The following ADGRA3 variants were observed in gnomAD, a reference collection of about 807,000 sequenced individuals.
The protein encoded by ADGRA3 is adhesion G protein-coupled receptor A3.
A neutral mutation model predicts 119.8 loss-of-function variants in ADGRA3; 56 were observed. The ratio of observed to expected loss-of-function variants is 0.47; its 90% CI spans 0.38 to 0.58. The LOEUF (loss-of-function observed/expected upper bound fraction) is 0.58, where lower values mean the gene tolerates loss of function less well. Among genes scored for constraint, ADGRA3 ranks in the 20% least tolerant of loss-of-function variants. The pLI, the probability that ADGRA3 is intolerant of heterozygous loss-of-function variation, is 0.00. For synonymous variants in ADGRA3, 607 were observed against 623.8 expected (o/e 0.97, Z 0.40); for missense variants, 1,516 against 1,649.0 (o/e 0.92, Z 1.40).
chr4:22,471,552 G>C (rs1220798513), intron 2 of ADGRA3, among the ~76,000 whole-genome samples: 2 of 152,132 alleles, frequency 1.3e-5, no homozygotes, highest in African/African-American at 4.8e-5. Context: ...GTCCCAACTG[G>C]GCATGCATGC....
At chr4:22,442,937 C>A (rs1218674528) in intron 6 of ADGRA3, 74 bp from the exon 7 acceptor site, 4 of 1,109,974 alleles carry the variant, frequency 3.6e-6, no homozygotes, top group African/African-American at 1.6e-5. Context: ...TACAGAAATT[C>A]TAGGTAAAAT....
rs59015584 is a variant in ADGRA3 at position 22,513,845 on chromosome 4, C to CAAAAAAAA, written c.257+1675_257+1682dup. ...TATTTTCATCTAAAAAGCTTTCAGG[C>CAAAAAAAA]AAAAAAAAAAAAAAAAAAAAAAAAA... On this transcript the variant is annotated intron_variant, in intron 1 of 18. Transcript: ENST00000334304. 8.6e-4 allele frequency among the ~76,000 whole-genome samples: 27 copies of CAAAAAAAA among 31,480 alleles called. 3 individuals are homozygous for CAAAAAAAA. The highest frequency in any genetic ancestry group is 2.6e-3 in the African/African-American group (26 of 10,146). 20.7% of individuals were successfully genotyped at this position (31,480 alleles called of 152,430 possible).
At position 22,392,619 on chromosome 4, in the gene ADGRA3, G is replaced by A. The variant is rs137922477; in HGVS notation, c.2553C>T (p.Tyr851=). 3.5e-4 allele frequency: 563 copies of A among 1,613,756 alleles called. 1 individual carries two copies. Among genetic ancestry groups the A allele is most frequent in the Non-Finnish European group, 4.6e-4 (538 of 1,179,854 alleles). The change falls in exon 17 of 19, where the codon TAC becomes TAT. Residue 851 remains tyrosine (Y), a synonymous_variant. Coordinates refer to ENST00000334304, the MANE Select transcript of ADGRA3 (RefSeq NM_145290.4). ...LWVGVTARNI[Y]KQVTKKAKRC... is the part of the protein sequence containing the mutation. ...TTTTAGCTTTTTTAGTGACTTGTTTGTAGATATTTCGAGCTGTCACTCCTA... is the reference window on the plus strand; with the variant it reads ...TTTTAGCTTTTTTAGTGACTTGTTTATAGATATTTCGAGCTGTCACTCCTA...
intron 4 of ADGRA3, 98 bp downstream of exon 4, chr4:22,454,768 A>G: frequency 1.2e-6 from 1 of 862,832 alleles, no homozygotes; most frequent in African/African-American, 1.7e-5. Flanking sequence ...TAACCCCTAC[A>G]GTTGCTACTT....
chr4:22,464,599 T>C (rs1424440123), intron 2 of ADGRA3, among the ~76,000 whole-genome samples: 1 of 152,216 alleles, frequency 6.6e-6, no homozygotes, highest in Non-Finnish European at 1.5e-5. Flanking sequence ...CAGTAGACAC[T>C]GACAGCATGG....
chr4:22,474,925 A>C (rs1310288659), intron 1 of ADGRA3, among the ~76,000 whole-genome samples: 2 of 152,188 alleles, frequency 1.3e-5, no homozygotes, highest in Non-Finnish European at 2.9e-5. Flanking sequence ...GTATATACAA[A>C]TGTAAATGGA....
chr4:22,400,030 C>T (rs12108588), intron 16 of ADGRA3, among the ~76,000 whole-genome samples: 25,981 of 152,066 alleles, frequency 0.17, 2,356 homozygotes, highest in Middle Eastern at 0.2. Context: ...GTCTTTGACA[C>T]CATGTAAATG....
At chr4:22,474,229 A>C (rs2109122131) in intron 1 of ADGRA3, among the ~76,000 whole-genome samples, 1 of 152,358 alleles carries the variant, frequency 6.6e-6, no homozygotes, top group South Asian at 2.1e-4. Context: ...TGCATAACCT[A>C]TGATCTTGTA....
intron 1 of ADGRA3, among the ~76,000 whole-genome samples, chr4:22,498,030 C>T (rs986097805): frequency 5.3e-5 from 8 of 150,266 alleles, no homozygotes; most frequent in Non-Finnish European, 7.4e-5. Context: ...CATCTGGGGT[C>T]GGGAGTTCAA....
intron 1 of ADGRA3, among the ~76,000 whole-genome samples, chr4:22,512,847 C>G (rs1199599737): frequency 6.6e-6 from 1 of 152,118 alleles, no homozygotes; most frequent in Non-Finnish European, 1.5e-5. Flanking sequence ...CTGCAGCAGC[C>G]CTAGGCACTA....
At chr4:22,470,217 GT>G (rs1312328940) in intron 2 of ADGRA3, among the ~76,000 whole-genome samples, 1 of 151,060 alleles carries the variant, frequency 6.6e-6, no homozygotes, top group East Asian at 2.0e-4. Flanking sequence ...AGCAAACTAT[GT>G]TCAAAAAGGT....
At chr4:22,454,373 T>C (rs891317408) in intron 4 of ADGRA3, among the ~76,000 whole-genome samples, 14 of 152,152 alleles carry the variant, frequency 9.2e-5, no homozygotes, top group Admixed American at 3.9e-4. Context: ...CCAGATCACA[T>C]GGTCAGAGGC....
chr4:22,427,179 T>G (rs1355244778), intron 10 of ADGRA3, among the ~76,000 whole-genome samples: 3 of 152,182 alleles, frequency 2.0e-5, no homozygotes. Flanking sequence ...ATTAATAAAA[T>G]TCCCACTGGA....
chr4:22,403,025 A>T (rs1239154995), intron 14 of ADGRA3, among the ~76,000 whole-genome samples: 1 of 152,174 alleles, frequency 6.6e-6, no homozygotes, highest in Non-Finnish European at 1.5e-5. Context: ...ACACTGGACC[A>T]TCTATTTTAT....
At chr4:22,499,996 A>G (rs1402349844) in intron 1 of ADGRA3, among the ~76,000 whole-genome samples, 1 of 152,178 alleles carries the variant, frequency 6.6e-6, no homozygotes, top group Non-Finnish European at 1.5e-5. Flanking sequence ...GAACCCAAAA[A>G]TCTAAAATCC....
In ADGRA3 at chr4:22,388,024, CCTT is replaced by C. The variant is rs1219085615; in HGVS notation, c.3644_3646del (p.Glu1215del). On this transcript the variant is annotated inframe_deletion, in exon 19 of 19. Coordinates refer to ENST00000334304, the MANE Select transcript of ADGRA3 (RefSeq NM_145290.4). ...ATAAGCTCTTCGGCTCCTCGAGTGT[CCTT>C]CGTTATTGCCCAGCCGGCTTTTAGG... is the stretch of plus-strand genomic sequence containing the variant. 1.2e-6 allele frequency: 2 copies of C among 1,614,140 alleles called. No homozygotes were observed. Among genetic ancestry groups the C allele is most frequent in the Non-Finnish European group, 1.7e-6 (2 of 1,180,016 alleles).
chr4:22,499,913 C>T (rs991997431), intron 1 of ADGRA3, among the ~76,000 whole-genome samples: 5 of 152,014 alleles, frequency 3.3e-5, no homozygotes, highest in Admixed American at 1.3e-4. Flanking sequence ...ATGTCTGGGA[C>T]CAAAAGTGTT....
At chr4:22,444,423 T>A (rs905694151) in intron 6 of ADGRA3, among the ~76,000 whole-genome samples, 5 of 152,060 alleles carry the variant, frequency 3.3e-5, no homozygotes, top group African/African-American at 1.2e-4. Flanking sequence ...GTAGCTGAAA[T>A]TACAGTCACC....
At chr4:22,508,898 C>T (rs994384890) in intron 1 of ADGRA3, among the ~76,000 whole-genome samples, 2 of 152,146 alleles carry the variant, frequency 1.3e-5, no homozygotes, top group Non-Finnish European at 2.9e-5. Flanking sequence ...TTTCCCCTTG[C>T]CCTGCCTAGA....
Sources: gnomAD v4.1 joint callset for allele counts (sites outside exome capture counted in the v4.1 genomes callset) on GRCh38, gnomAD v4.1.1 for gene constraint, MANE v1.5 for transcripts, NCBI Gene and HGNC (gene_info 2026-07-23, HGNC 2026-07-21) for gene names.